Variants in ADCY1 observed in about 807,000 individuals in gnomAD.
ADCY1 encodes the protein adenylate cyclase 1.
In ADCY1, 28 loss-of-function variants were observed where a neutral mutation model predicts 105.4. The observed-to-expected ratio is 0.27, with a 90% confidence interval of 0.20 to 0.36. The LOEUF is 0.36. Among genes scored for constraint, ADCY1 ranks in the 10% least tolerant of loss-of-function variants. The probability of loss-of-function intolerance (pLI) is 1.00; values close to 1 mark genes in which losing one functional copy is unlikely to be tolerated. For missense variants in ADCY1, 977 were observed against 1,434.2 expected (o/e 0.68, Z 5.15); for synonymous variants, 655 against 623.8 (o/e 1.05, Z -0.75).
chr7:45,621,999 T>G (rs1793904563), intron 3 of ADCY1, among the ~76,000 whole-genome samples: 1 of 152,210 alleles, frequency 6.6e-6, no homozygotes, highest in Non-Finnish European at 1.5e-5. Context: ...TTCTGCCCTG[T>G]GGGTAGACAC....
At chr7:45,617,296 C>T (rs1793764153) in intron 3 of ADCY1, among the ~76,000 whole-genome samples, 3 of 152,174 alleles carry the variant, frequency 2.0e-5, no homozygotes, top group South Asian at 2.1e-4. Flanking sequence ...AGGCACCACT[C>T]CTGGGGCTTA....
chr7:45,691,921 G>T (rs1017715764), intron 14 of ADCY1, among the ~76,000 whole-genome samples: 1 of 152,188 alleles, frequency 6.6e-6, no homozygotes, highest in Non-Finnish European at 1.5e-5. Flanking sequence ...GGGTTGTGGA[G>T]GAGTTTATGT....
intron 4 of ADCY1, among the ~76,000 whole-genome samples, chr7:45,646,097 G>A (rs1419057752): frequency 6.6e-6 from 1 of 152,082 alleles, no homozygotes; most frequent in Non-Finnish European, 1.5e-5. Context: ...TGACCGTTGG[G>A]GACATTTGGG....
chr7:45,587,118 T>C (rs555158408), intron 1 of ADCY1, among the ~76,000 whole-genome samples: 48 of 152,224 alleles, frequency 3.2e-4, no homozygotes, highest in Admixed American at 3.9e-4. Flanking sequence ...ATAGGAGTGA[T>C]CCTGGGGTGA....
intron 14 of ADCY1, among the ~76,000 whole-genome samples, chr7:45,702,727 A>T (rs1053756420): frequency 3.9e-5 from 6 of 152,112 alleles, no homozygotes; most frequent in Non-Finnish European, 7.4e-5. Context: ...GCAGGCTGGG[A>T]CTCACCTGCT....
chr7:45,631,369 C>T (rs967180701), intron 4 of ADCY1, among the ~76,000 whole-genome samples: 2 of 152,228 alleles, frequency 1.3e-5, no homozygotes, highest in Admixed American at 1.3e-4. Context: ...TCCATTTTAA[C>T]TCTGCAAATG....
chr7:45,606,263 C>G (rs1793370137), intron 2 of ADCY1, among the ~76,000 whole-genome samples: 1 of 151,976 alleles, frequency 6.6e-6, no homozygotes, highest in African/African-American at 2.4e-5. Context: ...GATTGGGGGC[C>G]CCTTCACAGC....
intron 1 of ADCY1, among the ~76,000 whole-genome samples, chr7:45,589,139 G>A (rs1311025704): frequency 6.6e-6 from 1 of 152,166 alleles, no homozygotes; most frequent in African/African-American, 2.4e-5. Flanking sequence ...TCTGACCCTG[G>A]TGAGGACACC....
chr7:45,576,196 A>C (rs1215127695), intron 1 of ADCY1, among the ~76,000 whole-genome samples: 4 of 152,216 alleles, frequency 2.6e-5, no homozygotes, highest in Non-Finnish European at 5.9e-5. Context: ...GGGGAGAGGT[A>C]AGGGGTCGGA....
At chr7:45,700,065 G>T (rs560770239) in intron 14 of ADCY1, among the ~76,000 whole-genome samples, 76 of 152,266 alleles carry the variant, frequency 5.0e-4, no homozygotes, top group Non-Finnish European at 9.1e-4. Context: ...CTACCCCAGA[G>T]CCCTGCAGGG....
intron 4 of ADCY1, among the ~76,000 whole-genome samples, chr7:45,645,296 C>T (rs895115148): frequency 2.0e-5 from 3 of 152,060 alleles, no homozygotes; most frequent in Admixed American, 6.5e-5. Flanking sequence ...CCTTCATTCC[C>T]GTGTGCTATT....
At chr7:45,633,310 G>T (rs1247739510) in intron 4 of ADCY1, among the ~76,000 whole-genome samples, 1 of 152,194 alleles carries the variant, frequency 6.6e-6, no homozygotes, top group African/African-American at 2.4e-5. Context: ...TTTGAACTGT[G>T]TGGATCCACT....
At chr7:45,668,523 C>T (rs947475524) in intron 8 of ADCY1, among the ~76,000 whole-genome samples, 3 of 152,096 alleles carry the variant, frequency 2.0e-5, no homozygotes, top group African/African-American at 7.2e-5. Context: ...CTGCTGGATT[C>T]GGTTTGCCAG....
chr7:45,605,189 CTTAATTA>C (rs1793341011), intron 2 of ADCY1, among the ~76,000 whole-genome samples: 1 of 152,094 alleles, frequency 6.6e-6, no homozygotes, highest in Admixed American at 6.5e-5. Context: ...ACCTTCTGAA[CTTAATTA>C]TTTGTTCTAG....
intron 2 of ADCY1, among the ~76,000 whole-genome samples, chr7:45,600,311 G>A (rs1793195934): frequency 6.6e-6 from 1 of 152,210 alleles, no homozygotes; most frequent in African/African-American, 2.4e-5. Flanking sequence ...GACAGGGTGA[G>A]GGACTCAGCA....
At chr7:45,576,834 G>C (rs1419087236) in intron 1 of ADCY1, among the ~76,000 whole-genome samples, 1 of 152,032 alleles carries the variant, frequency 6.6e-6, no homozygotes, top group Non-Finnish European at 1.5e-5. Context: ...TGGTCCCTGG[G>C]CAGGCCCAGG....
chr7:45,711,916 A>ATGTT (rs1785252207), intron 19 of ADCY1, among the ~76,000 whole-genome samples: 1 of 112,598 alleles, frequency 8.9e-6, no homozygotes, highest in Non-Finnish European at 1.7e-5. Context: ...ATATATAAAT[A>ATGTT]TATTATATAT....
chr7:45,588,849 A>C (rs1792814086), intron 1 of ADCY1, among the ~76,000 whole-genome samples: 1 of 151,300 alleles, frequency 6.6e-6, no homozygotes, highest in Non-Finnish European at 1.5e-5. Flanking sequence ...ATCCTTTGAC[A>C]CACCCCCATC....
intron 5 of ADCY1, among the ~76,000 whole-genome samples, chr7:45,655,370 A>G (rs1462554477): frequency 6.6e-6 from 1 of 152,252 alleles, no homozygotes; most frequent in East Asian, 1.9e-4. Flanking sequence ...CATAAAAAAC[A>G]CTTGTGATAA....
Sources: gnomAD v4.1 joint callset for allele counts (sites outside exome capture counted in the v4.1 genomes callset) on GRCh38, gnomAD v4.1.1 for gene constraint, MANE v1.5 for transcripts, NCBI Gene and HGNC (gene_info 2026-07-23, HGNC 2026-07-21) for gene names.